The following PDE11A variants were observed in gnomAD, a reference collection of about 807,000 sequenced individuals.
PDE11A encodes phosphodiesterase 11A.
In PDE11A, 100 loss-of-function variants were observed where a neutral mutation model predicts 100.5. The observed-to-expected ratio is 1.00, with a 90% CI of 0.85 to 1.18. PDE11A has a LOEUF of 1.18. PDE11A is among the 50% of genes most tolerant of loss of function. PDE11A has a pLI of 0.00. For missense variants in PDE11A, 1,141 were observed against 1,152.6 expected, an observed-to-expected ratio of 0.99 and a Z score of 0.15; for synonymous variants, 381 against 420.8, an observed-to-expected ratio of 0.91 and a Z score of 1.16.
chr2:177,697,429 G>T lies in PDE11A; in HGVS notation c.2248C>A (p.His750Asn). Residue 750 changes from histidine to asparagine, a missense_variant, in exon 15 of 20, where the codon CAC becomes AAC. Physicochemically the swap from His to Asn is moderately conservative, Grantham distance 68. Coordinates refer to ENST00000286063, the MANE Select transcript of PDE11A (RefSeq NM_016953.4). Reference sequence around the variant, plus strand: ...GAGGACAGGTTAGCAAAGATATTGTGACCCTGTAATGAGAAAGTAAAAAGT... The same window carrying T: ...GAGGACAGGTTAGCAAAGATATTGTTACCCTGTAATGAGAAAGTAAAAAGT... Reference protein sequence around the residue: ...HAVMILQSEGHNIFANLSSKE... With the variant: ...HAVMILQSEGNNIFANLSSKE... 4 of 1,496,660 alleles carry T rather than the reference G, an allele frequency of 2.7e-6. No individual in the cohort carries two copies. The highest frequency in any genetic ancestry group is 1.1e-5 in the South Asian group (1 of 88,800). 92.7% of individuals were successfully genotyped at this position (1,496,660 alleles called of 1,614,324 possible).
At chr2:177,681,144 G>A (rs1411334722) in intron 15 of PDE11A, among the ~76,000 whole-genome samples, 1 of 152,176 alleles carries the variant, frequency 6.6e-6, no homozygotes. Flanking sequence ...AGATTATAGA[G>A]CCATAAAACA....
chr2:177,711,749 C>T lies in PDE11A; in HGVS notation c.2153+20G>A, dbSNP rs759139383. ...CAGAAAGGCAAATGCATTAAAATAA[C>T]AACAGTTTAGAACACTTACTTAGCT... is the stretch of plus-strand genomic sequence containing the variant. On this transcript the variant is annotated intron_variant, in intron 13 of 19. Transcript: ENST00000286063. The T allele has an allele frequency of 1.6e-6, 2 of 1,280,000 alleles. No homozygotes were observed. The highest frequency in any genetic ancestry group is 1.1e-6 in the Non-Finnish European group (1 of 875,420). The allele number at this position is 1,280,000 out of a possible 1,614,324, so 79.3% of individuals were successfully genotyped here.
intron 2 of PDE11A, among the ~76,000 whole-genome samples, chr2:177,936,962 A>G (rs1465870092): frequency 2.6e-5 from 4 of 152,124 alleles, no homozygotes; most frequent in Admixed American, 2.6e-4. Context: ...TTAAATATTT[A>G]TATTTTAATA....
chr2:177,767,411 G>A (rs2082253993), intron 10 of PDE11A, among the ~76,000 whole-genome samples: 1 of 151,926 alleles, frequency 6.6e-6, no homozygotes, highest in Admixed American at 6.6e-5. Flanking sequence ...AGTCATATGA[G>A]TCAAAGCTCA....
intron 5 of PDE11A, among the ~76,000 whole-genome samples, chr2:177,868,127 T>C (rs1038513039): frequency 1.8e-4 from 27 of 152,046 alleles, no homozygotes; most frequent in Non-Finnish European, 4.0e-4. Context: ...CACACAGATG[T>C]GTAAAGGAAA....
chr2:177,927,951 A>G (rs1248344787), intron 2 of PDE11A, among the ~76,000 whole-genome samples: 3 of 152,030 alleles, frequency 2.0e-5, no homozygotes, highest in Non-Finnish European at 2.9e-5. Context: ...CTAAAAATAC[A>G]AAATTAGCCA....
chr2:177,722,893 A>G (rs2081551113), intron 12 of PDE11A, among the ~76,000 whole-genome samples: 1 of 152,174 alleles, frequency 6.6e-6, no homozygotes, highest in African/African-American at 2.4e-5. Flanking sequence ...TGTAAAAATG[A>G]TGTTTGATGA....
intron 1 of PDE11A, among the ~76,000 whole-genome samples, chr2:178,043,373 C>T (rs2086706646): frequency 6.6e-6 from 1 of 152,124 alleles, no homozygotes; most frequent in Non-Finnish European, 1.5e-5. Context: ...CCAGAAAAGA[C>T]AGATCAAGGT....
intron 3 of PDE11A, among the ~76,000 whole-genome samples, chr2:177,901,522 G>C (rs533396154): frequency 3.8e-4 from 58 of 152,266 alleles, no homozygotes; most frequent in Admixed American, 2.2e-3. Context: ...TGAACCCACT[G>C]GGTGGTTACA....
chr2:177,956,483 A>C (rs1432756836), intron 2 of PDE11A, among the ~76,000 whole-genome samples: 1 of 152,226 alleles, frequency 6.6e-6, no homozygotes, highest in Non-Finnish European at 1.5e-5. Context: ...TAGTTCAACC[A>C]TTGTGGAAGT....
intron 4 of PDE11A, among the ~76,000 whole-genome samples, chr2:177,884,070 C>T (rs984841876): frequency 6.6e-5 from 10 of 152,190 alleles, no homozygotes; most frequent in Admixed American, 5.2e-4. Context: ...GATCAGCCCT[C>T]AAGGGCACTG....
At chr2:177,860,128 C>G (rs1305580910) in intron 5 of PDE11A, among the ~76,000 whole-genome samples, 1 of 150,924 alleles carries the variant, frequency 6.6e-6, no homozygotes, top group Non-Finnish European at 1.5e-5. Context: ...GGAGAATAAA[C>G]AAACTAGAGA....
chr2:178,084,918 T>C (rs1173498147), intron 2 of PDE11A, among the ~76,000 whole-genome samples: 1 of 152,216 alleles, frequency 6.6e-6, no homozygotes, highest in Non-Finnish European at 1.5e-5. Flanking sequence ...TGAGCACCCA[T>C]TATGTATGCC....
At chr2:177,852,485 T>A (rs917081736) in intron 5 of PDE11A, among the ~76,000 whole-genome samples, 1 of 152,160 alleles carries the variant, frequency 6.6e-6, no homozygotes, top group Non-Finnish European at 1.5e-5. Flanking sequence ...CATTCCTTAC[T>A]TTTTTCCCCC....
intron 2 of PDE11A, among the ~76,000 whole-genome samples, chr2:177,914,386 C>T (rs12988331): frequency 6.6e-6 from 1 of 151,942 alleles, no homozygotes; most frequent in South Asian, 2.1e-4. Context: ...ATTATGGCTC[C>T]ATAAACTTGG....
At chr2:177,746,413 A>C (rs1337955707) in intron 10 of PDE11A, among the ~76,000 whole-genome samples, 5 of 152,214 alleles carry the variant, frequency 3.3e-5, no homozygotes, top group African/African-American at 4.8e-5. Flanking sequence ...TATTGAGGAA[A>C]TGAAATAACT....
intron 2 of PDE11A, among the ~76,000 whole-genome samples, chr2:177,969,166 G>A (rs1284874985): frequency 6.6e-6 from 1 of 152,126 alleles, no homozygotes; most frequent in Non-Finnish European, 1.5e-5. Flanking sequence ...ACTAACACAG[G>A]AACAGAAAGC....
Position 178,001,311 on chromosome 2 carries a change from T to TGTGTGTGTGTGTGG in PDE11A, c.1071+12990_1071+12991insCCACACACACACAC, listed in dbSNP as rs59287027. On this transcript the variant is annotated intron_variant, in intron 2 of 19. Coordinates refer to ENST00000286063, the MANE Select transcript of PDE11A (RefSeq NM_016953.4). Reference sequence around the variant, plus strand: ...GTGTGTGTGTGTGTGTGTGTGTGTGTAGTAGGTTTAATATGCCATCAAGGA... The same window carrying TGTGTGTGTGTGTGG: ...GTGTGTGTGTGTGTGTGTGTGTGTGTGTGTGTGTGTGTGGAGTAGGTTTAATATGCCATCAAGGA... 3.2e-3 allele frequency among the ~76,000 whole-genome samples: 474 copies of TGTGTGTGTGTGTGG among 148,126 alleles called. 3 individuals carry two copies. The highest frequency in any genetic ancestry group is 0.018 in the South Asian group (85 of 4,634).
intron 9 of PDE11A, among the ~76,000 whole-genome samples, chr2:177,793,051 G>A (rs745808348): frequency 1.3e-5 from 2 of 152,164 alleles, no homozygotes; most frequent in South Asian, 2.1e-4. Context: ...GCCAGCCAAC[G>A]GGTAGGGGAA....
Sources: allele counts gnomAD v4.1 joint callset (sites outside exome capture counted in the v4.1 genomes callset), GRCh38; gene constraint gnomAD v4.1.1; transcripts MANE v1.5; gene names NCBI Gene and HGNC (gene_info 2026-07-23, HGNC 2026-07-21).